The following FGF2 variants were observed in gnomAD, a reference collection of about 807,000 sequenced individuals.
FGF2 encodes basic fibroblast growth factor bFGF.
In FGF2, 13 loss-of-function variants were observed where a neutral mutation model predicts 15.9. The ratio of observed to expected loss-of-function variants is 0.82; its 90% CI spans 0.53 to 1.30. FGF2 has a LOEUF of 1.30. Ranked by LOEUF, FGF2 falls within the 50% of genes most tolerant of loss-of-function variation. The pLI, the probability that FGF2 is intolerant of heterozygous loss-of-function variation, is 0.00. For missense variants in FGF2, 163 were observed against 196.9 expected, an observed-to-expected ratio of 0.83 and a Z score of 1.03; for synonymous variants, 90 against 78.4, an observed-to-expected ratio of 1.15 and a Z score of -0.78.
rs867947813 is a variant in FGF2, at chr4:122,845,520, A to G, written c.178+18168A>G. Among the ~76,000 whole-genome samples the G allele has an allele frequency of 2.2e-4, 33 of 152,348 alleles. No homozygotes were observed. The Middle Eastern group carries it at 0.01, about 47-fold the overall frequency. Reference sequence around the variant, plus strand: ...CACATTGAAAATCTGTTGTTAGTGTAGCTACCTTCATCAGTGATCTTAGCT... The same window carrying G: ...CACATTGAAAATCTGTTGTTAGTGTGGCTACCTTCATCAGTGATCTTAGCT... On this transcript the variant is annotated intron_variant, in intron 1 of 2. Transcript: ENST00000644866.
intron 1 of FGF2, among the ~76,000 whole-genome samples, chr4:122,842,266 G>A (rs1305951145): frequency 3.3e-5 from 5 of 152,248 alleles, no homozygotes; most frequent in South Asian, 2.1e-4. Context: ...TTTTAACCTG[G>A]GAGTTCATGG....
At chr4:122,880,277 C>T (rs893364816) in intron 2 of FGF2, among the ~76,000 whole-genome samples, 4 of 143,092 alleles carry the variant, frequency 2.8e-5, no homozygotes, top group Admixed American at 7.1e-5. Flanking sequence ...GATGGAGTCT[C>T]GCTCTGTTGC....
At chr4:122,861,410 A>C (rs988299010) in intron 1 of FGF2, among the ~76,000 whole-genome samples, 8 of 152,134 alleles carry the variant, frequency 5.3e-5, no homozygotes, top group African/African-American at 1.7e-4. Flanking sequence ...CTGCTGCTCC[A>C]ACCACCTCCA....
At chr4:122,846,622 C>G (rs1726118089) in intron 1 of FGF2, among the ~76,000 whole-genome samples, 1 of 152,088 alleles carries the variant, frequency 6.6e-6, no homozygotes, top group South Asian at 2.1e-4. Context: ...GGATGTATAC[C>G]TAACTGCTAA....
intron 1 of FGF2, among the ~76,000 whole-genome samples, chr4:122,845,070 A>G (rs1205124714): frequency 1.3e-5 from 2 of 152,250 alleles, no homozygotes; most frequent in Non-Finnish European, 2.9e-5. Context: ...CATCGGCTGC[A>G]AAATGGATGT....
rs764593074 is a variant in FGF2, at chr4:122,893,242, A to G, written c.*846A>G. ...CTGTGTCTCCTACGTAAAAAAAGAGATGTACAAATCAATAATAATTACACT... is the reference window on the plus strand; with the variant it reads ...CTGTGTCTCCTACGTAAAAAAAGAGGTGTACAAATCAATAATAATTACACT... On this transcript the variant is annotated 3_prime_UTR_variant, in exon 3 of 3. Coordinates refer to ENST00000644866, the MANE Select transcript of FGF2 (RefSeq NM_001361665.2). The G allele has an allele frequency of 1.3e-6, 2 of 1,573,374 alleles. No homozygotes were observed. The highest frequency in any genetic ancestry group is 1.7e-6 in the Non-Finnish European group (2 of 1,160,914).
chr4:122,876,244 C>G lies in FGF2; in HGVS notation c.179-77C>G, dbSNP rs1308835759. On this transcript the variant is annotated intron_variant, in intron 1 of 2. Coordinates refer to ENST00000644866, the MANE Select transcript of FGF2 (RefSeq NM_001361665.2). ...TAGTTGTTGCTTAGGTGTGTTTTGT[C>G]TTTATATTGCGTAAATATTGTGAAG... 4.4e-6 allele frequency: 4 copies of G among 906,642 alleles called. No homozygotes were observed. The Admixed American group carries it at 5.3e-5, about 12-fold the overall frequency. The allele number at this position is 906,642 out of a possible 1,614,324, so 56.2% of individuals were successfully genotyped here.
intron 2 of FGF2, among the ~76,000 whole-genome samples, chr4:122,880,037 CA>C (rs1455608107): frequency 6.6e-6 from 1 of 152,136 alleles, no homozygotes; most frequent in African/African-American, 2.4e-5. Flanking sequence ...AGCATTAACT[CA>C]AAAGTCCACA....
chr4:122,892,827 T>C lies in FGF2; in HGVS notation c.*431T>C, dbSNP rs777295362. 35 of 1,588,700 alleles carry C rather than the reference T, an allele frequency of 2.2e-5. No individual in the cohort carries two copies. The highest frequency in any genetic ancestry group is 2.8e-5 in the Non-Finnish European group (33 of 1,164,554). ...ATGTTTCTAAACATATAAATGTGAA[T>C]TTAATCAATTCCTTTCATAGTTTTA... On this transcript the variant is annotated 3_prime_UTR_variant, in exon 3 of 3. Transcript: ENST00000644866.
chr4:122,826,686 C>T, upstream of FGF2: 2 of 1,254,260 alleles, frequency 1.6e-6, no homozygotes, highest in Non-Finnish European at 2.0e-6. Context: ...CGTGTTGTGG[C>T]CGAACCGCCG....
intron 1 of FGF2, among the ~76,000 whole-genome samples, chr4:122,835,983 A>G (rs192819951): frequency 2.0e-5 from 3 of 152,312 alleles, no homozygotes; most frequent in Admixed American, 6.5e-5. Context: ...TTTCTCTGGA[A>G]AAATCCTTTA....
chr4:122,870,917 G>C (rs1726718140), intron 1 of FGF2, among the ~76,000 whole-genome samples: 1 of 151,890 alleles, frequency 6.6e-6, no homozygotes, highest in Admixed American at 6.6e-5. Context: ...ATGATGTTAG[G>C]GTGTTGATTT....
rs144617697 is a variant in FGF2, at chr4:122,838,832, A to G, written c.178+11480A>G. ...AGATTTTTGAGTGGCATATACAAAA[A>G]TAGCGTAGCATGTAATTAAGAATGA... is the stretch of plus-strand genomic sequence containing the variant. On this transcript the variant is annotated intron_variant, in intron 1 of 2. Coordinates refer to ENST00000644866, the MANE Select transcript of FGF2 (RefSeq NM_001361665.2). 6.3e-4 allele frequency among the ~76,000 whole-genome samples: 96 copies of G among 152,356 alleles called. 1 individual carries two copies. The East Asian group carries it at 0.018, about 29-fold the overall frequency.
intron 1 of FGF2, among the ~76,000 whole-genome samples, chr4:122,835,805 A>G (rs534391582): frequency 2.0e-5 from 3 of 152,138 alleles, no homozygotes; most frequent in Non-Finnish European, 4.4e-5. Flanking sequence ...ACTGTTTACC[A>G]TCCATACCTT....
intron 1 of FGF2, among the ~76,000 whole-genome samples, chr4:122,863,426 C>T (rs1001822132): frequency 2.0e-4 from 31 of 152,014 alleles, no homozygotes; most frequent in African/African-American, 7.3e-4. Flanking sequence ...TTCTTGATTG[C>T]TCTAGGTGTG....
At chr4:122,882,268 A>C (rs1004906368) in intron 2 of FGF2, 1 of 152,208 alleles carries the variant, frequency 6.6e-6, no homozygotes, top group Non-Finnish European at 1.5e-5. Flanking sequence ...ATTCATTGAC[A>C]ATGATAAAAA....
intron 1 of FGF2, among the ~76,000 whole-genome samples, chr4:122,859,661 C>T (rs1377208454): frequency 7.0e-6 from 1 of 143,600 alleles, no homozygotes; most frequent in African/African-American, 3.0e-5. Flanking sequence ...TATACACACA[C>T]ACACACACAC....
At position 122,897,757 on chromosome 4, in the gene FGF2, A is replaced by T; in HGVS notation, c.*5361A>T. 3 of 989,560 alleles carry T rather than the reference A, an allele frequency of 3.0e-6. No homozygotes were observed. The South Asian group carries it at 4.0e-5, about 13-fold the overall frequency. The allele number at this position is 989,560 out of a possible 1,614,324, so 61.3% of individuals were successfully genotyped here. A position where few individuals can be genotyped will look rare whatever the true frequency, so the allele number is the denominator to read the frequency against. On this transcript the variant is annotated 3_prime_UTR_variant, in exon 3 of 3. Transcript: ENST00000644866. ...TATGTAGATTTCACAAAATCCACCT[A>T]TAATTGGTCAAAGTGGTTGAGAATA...
At chr4:122,838,189 TGAAAG>T (rs1725904498) in intron 1 of FGF2, among the ~76,000 whole-genome samples, 1 of 152,158 alleles carries the variant, frequency 6.6e-6, no homozygotes, top group African/African-American at 2.4e-5. Context: ...GAGGGTGGTA[TGAAAG>T]CCCTGAAGTA....
Sources: allele counts gnomAD v4.1 joint callset (sites outside exome capture counted in the v4.1 genomes callset), GRCh38; gene constraint gnomAD v4.1.1; transcripts MANE v1.5; gene names NCBI Gene and HGNC (gene_info 2026-07-23, HGNC 2026-07-21).